Variants in KIF23 observed in about 807,000 individuals in gnomAD.
The protein encoded by KIF23 is kinesin family member 23.
A neutral mutation model predicts 137.5 loss-of-function variants in KIF23; 30 were observed. The ratio of observed to expected loss-of-function variants is 0.22; its 90% CI spans 0.16 to 0.30. The LOEUF is 0.30. KIF23 is among the 10% of genes least tolerant of loss of function. The pLI is 1.00. For missense variants in KIF23, 920 were observed against 1,194.3 expected (o/e 0.77, Z 3.38); for synonymous variants, 367 against 391.1 (o/e 0.94, Z 0.73).
intron 11 of KIF23, among the ~76,000 whole-genome samples, chr15:69,430,173 A>G (rs2057321715): frequency 6.6e-6 from 1 of 152,192 alleles, no homozygotes; most frequent in African/African-American, 2.4e-5. Flanking sequence ...ATATATATAT[A>G]GCCAATCTGT....
intron 16 of KIF23, among the ~76,000 whole-genome samples, chr15:69,438,793 C>T (rs2057543084): frequency 6.6e-6 from 1 of 151,588 alleles, no homozygotes; most frequent in South Asian, 2.1e-4. Flanking sequence ...AAGAGCAAGA[C>T]TCTGTCTCAA....
chr15:69,436,155 G>A lies in KIF23; in HGVS notation c.1332G>A (p.Ala444=), dbSNP rs753994408. 2.7e-5 allele frequency: 43 copies of A among 1,613,194 alleles called. No homozygotes were observed. The highest frequency in any genetic ancestry group is 2.0e-4 in the South Asian group (18 of 90,940). The change falls in exon 14 of 24, where the codon GCG becomes GCA. Residue 444 remains alanine (A), a synonymous_variant. Coordinates refer to ENST00000679126, the MANE Select transcript of KIF23 (RefSeq NM_001367805.3). ...YEENLQVMRF[A]EVTQEVEVAR... ...TGTTTTAGCAAGTCATGAGATTTGC[G>A]GAAGTGACTCAAGAAGTTGAAGTAG...
intron 10 of KIF23, among the ~76,000 whole-genome samples, chr15:69,428,674 A>T (rs565764867): frequency 8.6e-5 from 13 of 151,502 alleles, no homozygotes; most frequent in Middle Eastern, 3.2e-3. Flanking sequence ...AAAAAAAAAA[A>T]AAAAAAAAAA....
chr15:69,431,126 G>A (rs936251087), intron 11 of KIF23, among the ~76,000 whole-genome samples: 3 of 152,224 alleles, frequency 2.0e-5, no homozygotes, highest in African/African-American at 7.2e-5. Context: ...CTGAGAGCTA[G>A]TTAGGATGTG....
chr15:69,438,132 A>G (rs921816264), intron 15 of KIF23, 116 bp from the exon 16 acceptor site: 9 of 874,532 alleles, frequency 1.0e-5, no homozygotes, highest in South Asian at 1.9e-5. Flanking sequence ...TTATAGACTG[A>G]TTCTCACAGA....
chr15:69,414,442 T>C lies in KIF23; in HGVS notation c.-24T>C, dbSNP rs757586007. 1 of 1,584,192 alleles carries C rather than the reference T, an allele frequency of 6.3e-7. No individual in the cohort carries two copies. Among genetic ancestry groups the C allele is most frequent in the Non-Finnish European group, 8.6e-7 (1 of 1,165,512 alleles). Reference sequence around the variant, plus strand: ...CCAGCCAGCCGTCCCGCATGCGCGTTTGGGCGGCGTGGAGCCTGCTGCCAT... The same window carrying C: ...CCAGCCAGCCGTCCCGCATGCGCGTCTGGGCGGCGTGGAGCCTGCTGCCAT... On this transcript the variant is annotated 5_prime_UTR_variant, in exon 1 of 24. Coordinates refer to ENST00000679126, the MANE Select transcript of KIF23 (RefSeq NM_001367805.3).
At chr15:69,445,565 C>G (rs560302028) in intron 20 of KIF23, among the ~76,000 whole-genome samples, 1 of 136,736 alleles carries the variant, frequency 7.3e-6, no homozygotes, top group South Asian at 2.3e-4. Flanking sequence ...AAAAAAAAAG[C>G]TTTTTATTTC....
At chr15:69,434,922 A>T (rs2057438425) in intron 11 of KIF23, 1 of 699,384 alleles carries the variant, frequency 1.4e-6, no homozygotes, top group African/African-American at 1.8e-5. Context: ...CTCGTGGTGC[A>T]GGTTGCAGCT....
At chr15:69,417,344 G>A (rs765654699) in intron 2 of KIF23, 39 bp from the exon 3 acceptor site, 1 of 1,525,418 alleles carries the variant, frequency 6.6e-7, no homozygotes, top group Non-Finnish European at 8.8e-7. Context: ...CAGGCAAAAG[G>A]TCGAACTTTC....
chr15:69,426,679 C>G (rs2057201489), intron 10 of KIF23: 3 of 502,800 alleles, frequency 6.0e-6, no homozygotes, highest in Non-Finnish European at 1.1e-5. Flanking sequence ...GAGATCGCGC[C>G]ACTGTAGTCC....
At chr15:69,439,489 G>A (rs534917030) in intron 16 of KIF23, among the ~76,000 whole-genome samples, 25 of 152,162 alleles carry the variant, frequency 1.6e-4, no homozygotes, top group Non-Finnish European at 3.4e-4. Flanking sequence ...AGGAAATACC[G>A]TTTTGTTGGG....
At position 69,417,319 on chromosome 15, in the gene KIF23, G is replaced by A. The variant is rs969413329; in HGVS notation, c.82-64G>A. On this transcript the variant is annotated intron_variant, in intron 2 of 23. Transcript: ENST00000679126. ...TGTTGAATGAATGAATGAATGAGAA[G>A]CTTAAGTGAAAAATCAGGCAAAAGG... The A allele has an allele frequency of 3.6e-5, 51 of 1,429,752 alleles. No homozygotes were observed. The African/African-American group carries it at 6.3e-4, about 18-fold the overall frequency. 88.6% of individuals were successfully genotyped at this position (1,429,752 alleles called of 1,614,324 possible).
chr15:69,431,272 A>G (rs1317405843), intron 11 of KIF23, among the ~76,000 whole-genome samples: 1 of 152,212 alleles, frequency 6.6e-6, no homozygotes, highest in South Asian at 2.1e-4. Flanking sequence ...ATGGATTTGG[A>G]AGGAGAGAGA....
chr15:69,416,752 C>T (rs1280838806), intron 2 of KIF23, among the ~76,000 whole-genome samples: 1 of 151,982 alleles, frequency 6.6e-6, no homozygotes, highest in Non-Finnish European at 1.5e-5. Flanking sequence ...GTCAGGAGTT[C>T]GAGACCAGCC....
At chr15:69,446,397 T>G in intron 22 of KIF23, 33 bp downstream of exon 22, 3 of 1,550,652 alleles carry the variant, frequency 1.9e-6, no homozygotes, top group Non-Finnish European at 2.7e-6. Flanking sequence ...GTCTGCCTAC[T>G]AAAATTAGGT....
At position 69,440,507 on chromosome 15, in the gene KIF23, G is replaced by A. The variant is rs758781459; in HGVS notation, c.2109+20G>A. ...GTGCCTGTAAGTTATTTGTAATTGT[G>A]TAGTAACTTTGTACTAGAGAAATTT... On this transcript the variant is annotated intron_variant, in intron 18 of 23. Coordinates refer to ENST00000679126, the MANE Select transcript of KIF23 (RefSeq NM_001367805.3). The A allele has an allele frequency of 2.5e-6, 4 of 1,584,868 alleles. No individual in the cohort carries two copies.
At chr15:69,434,692 G>T (rs1156669104) in intron 11 of KIF23, 12 of 1,468,602 alleles carry the variant, frequency 8.2e-6, no homozygotes, top group Middle Eastern at 3.5e-4. Context: ...TTGACCTTGA[G>T]CCAGAGCCTC....
intron 2 of KIF23, 42 bp downstream of exon 2, chr15:69,416,105 T>G: frequency 1.5e-6 from 2 of 1,312,946 alleles, no homozygotes; most frequent in Non-Finnish European, 2.1e-6. Flanking sequence ...TTTAAGAAAC[T>G]TATCTCTTCA....
Position 69,444,729 on chromosome 15 carries a change from CA to C in KIF23, c.2422-58del. ...TGATACTGTCATCAACTAATGTAGC[CA>C]AACCTGCTGCACTTCTAATAATACC... On this transcript the variant is annotated intron_variant, in intron 19 of 23. Coordinates refer to ENST00000679126, the MANE Select transcript of KIF23 (RefSeq NM_001367805.3). This position sits in a 1 kb window ranked among gnomAD's most constrained non-coding sequence, Gnocchi z 4.2. 1 of 1,556,968 alleles carries C rather than the reference CA, an allele frequency of 6.4e-7. No individual in the cohort carries two copies. Among genetic ancestry groups the C allele is most frequent in the Non-Finnish European group, 8.7e-7 (1 of 1,144,198 alleles).
Sources: gnomAD v4.1 joint callset for allele counts (sites outside exome capture counted in the v4.1 genomes callset) on GRCh38, gnomAD v4.1.1 for gene constraint, Gnocchi (gnomAD v3.1) non-coding constraint, MANE v1.5 for transcripts, NCBI Gene and HGNC (gene_info 2026-07-23, HGNC 2026-07-21) for gene names.